The following PDSS1 variants were observed in gnomAD, a reference collection of about 807,000 sequenced individuals.
PDSS1 encodes all trans-polyprenyl-diphosphate synthase PDSS1.
PDSS1 carries 43 observed loss-of-function variants against 57.5 expected under a neutral mutation model. The ratio of observed to expected loss-of-function variants is 0.75; its 90% confidence interval spans 0.59 to 0.96. The LOEUF (loss-of-function observed/expected upper bound fraction) is 0.96. Ranked by LOEUF, PDSS1 falls within the 50% of genes least tolerant of loss-of-function variation. The pLI is 0.00. For missense variants in PDSS1, 438 were observed against 527.8 expected (o/e 0.83, Z 1.67); for synonymous variants, 175 against 191.3 (o/e 0.91, Z 0.70).
chr10:26,746,202 A>T, intron 11 of PDSS1, 131 bp from the exon 12 acceptor site: 1 of 942,600 alleles, frequency 1.1e-6, no homozygotes, highest in Non-Finnish European at 1.7e-6. Flanking sequence ...TTAGAGATGT[A>T]GTTTGACTGT....
intron 8 of PDSS1, chr10:26,734,593 T>A: frequency 2.3e-6 from 1 of 441,504 alleles, no homozygotes; most frequent in Non-Finnish European, 4.5e-6. Flanking sequence ...TTACTTCTTT[T>A]GAGAGAAATG....
In PDSS1 at chr10:26,728,347, G is replaced by A. The variant is rs755953722; in HGVS notation, c.831+4224G>A. Among the ~76,000 whole-genome samples the A allele has an allele frequency of 2.6e-5, 4 of 151,996 alleles. No individual in the cohort carries two copies. The East Asian group carries it at 5.8e-4, about 22-fold the overall frequency. Reference sequence around the variant, plus strand: ...TCTACTAAAAATACAAAAATTAGCCGGGCGTAGTGGCAGGCGCCTATAATC... The same window carrying A: ...TCTACTAAAAATACAAAAATTAGCCAGGCGTAGTGGCAGGCGCCTATAATC... On this transcript the variant is annotated intron_variant, in intron 8 of 11. Transcript: ENST00000376215.
intron 4 of PDSS1, among the ~76,000 whole-genome samples, 179 bp downstream of exon 4, chr10:26,705,573 A>T (rs1835185355): frequency 6.6e-6 from 1 of 152,120 alleles, no homozygotes; most frequent in Admixed American, 6.5e-5. Flanking sequence ...TCCCAGGTTC[A>T]TGCAATTCTC....
chr10:26,704,803 A>T lies in PDSS1; in HGVS notation c.227+62A>T, dbSNP rs1835157023. 5.4e-6 allele frequency: 5 copies of T among 919,324 alleles called. No homozygotes were observed. The South Asian group carries it at 6.7e-5, about 12-fold the overall frequency. 56.9% of individuals were successfully genotyped at this position (919,324 alleles called of 1,614,324 possible). A position where few individuals can be genotyped will look rare whatever the true frequency, so the allele number is the denominator to read the frequency against. On this transcript the variant is annotated intron_variant, in intron 3 of 11. Transcript: ENST00000376215. ...TCCATTTTTAAATTTATTGTTGTTT[A>T]AAAAATTTTTTTTGTAGCGATGGGG...
intron 4 of PDSS1, 41 bp from the exon 5 acceptor site, chr10:26,709,597 G>A (rs779109883): frequency 1.6e-5 from 26 of 1,606,496 alleles, no homozygotes; most frequent in Non-Finnish European, 2.0e-5. Context: ...TTTCTGTGCA[G>A]TTTTTTGATG....
intron 1 of PDSS1, 40 bp downstream of exon 1, chr10:26,697,880 C>G: frequency 7.1e-6 from 9 of 1,261,040 alleles, no homozygotes; most frequent in Non-Finnish European, 9.0e-6. Context: ...GCTCAGAGGT[C>G]ACGGCTCCAA....
intron 4 of PDSS1, among the ~76,000 whole-genome samples, chr10:26,707,858 G>A (rs919897986): frequency 6.6e-6 from 1 of 152,218 alleles, no homozygotes; most frequent in Non-Finnish European, 1.5e-5. Flanking sequence ...CGAGTTGTTT[G>A]TTCTGCTGTT....
At chr10:26,742,729 A>G (rs1288823448) in intron 11 of PDSS1, 152 bp downstream of exon 11, 2 of 660,984 alleles carry the variant, frequency 3.0e-6, no homozygotes, top group Non-Finnish European at 5.4e-6. Flanking sequence ...GGGAAAACTC[A>G]TTTTTCTGAT....
Position 26,702,057 on chromosome 10 carries a change from C to A in PDSS1, c.130-105C>A, listed in dbSNP as rs1193180881. The A allele has an allele frequency of 1.9e-4, 81 of 433,400 alleles. No individual in the cohort carries two copies. The Admixed American group carries it at 2.0e-3, about 11-fold the overall frequency. 26.8% of individuals were successfully genotyped at this position (433,400 alleles called of 1,614,324 possible). On this transcript the variant is annotated intron_variant, in intron 1 of 11. Coordinates refer to ENST00000376215, the MANE Select transcript of PDSS1 (RefSeq NM_014317.5). ...TTGGACTTGCATGAGGCCTGTAAGC[C>A]CCTTCGTTTTGGCCAATTTCTACCA...
intron 4 of PDSS1, among the ~76,000 whole-genome samples, chr10:26,705,967 T>A (rs1349345558): frequency 6.6e-6 from 1 of 152,236 alleles, no homozygotes; most frequent in Non-Finnish European, 1.5e-5. Flanking sequence ...TCCAATGAGT[T>A]ATCCCACCTT....
At chr10:26,709,452 T>G (rs1280920388) in intron 4 of PDSS1, among the ~76,000 whole-genome samples, 186 bp from the exon 5 acceptor site, 1 of 151,994 alleles carries the variant, frequency 6.6e-6, no homozygotes, top group East Asian at 1.9e-4. Context: ...TCCCAGCTGC[T>G]TGCGGGGCTG....
Position 26,723,688 on chromosome 10 carries a change from C to T in PDSS1, c.610-118C>T, listed in dbSNP as rs372617316. ...GTTGAGGAAGAAGAAGGTAAAAAAC[C>T]CTGCATCCAAGATGAGCCCCCACTT... On this transcript the variant is annotated intron_variant, in intron 6 of 11. Coordinates refer to ENST00000376215, the MANE Select transcript of PDSS1 (RefSeq NM_014317.5). 1.0e-5 allele frequency: 8 copies of T among 775,320 alleles called. No individual in the cohort carries two copies. In the East Asian group the frequency reaches 1.5e-4, roughly 14 times the overall value. 48.0% of individuals were successfully genotyped at this position (775,320 alleles called of 1,614,324 possible). A position where few individuals can be genotyped will look rare whatever the true frequency, so the allele number is the denominator to read the frequency against.
At chr10:26,726,081 C>A (rs1835939772) in intron 8 of PDSS1, among the ~76,000 whole-genome samples, 1 of 152,182 alleles carries the variant, frequency 6.6e-6, no homozygotes, top group Non-Finnish European at 1.5e-5. Flanking sequence ...GTGATGGAAG[C>A]TTACAAAGGG....
intron 5 of PDSS1, among the ~76,000 whole-genome samples, chr10:26,717,023 T>C (rs1025283840): frequency 4.6e-5 from 7 of 152,222 alleles, no homozygotes; most frequent in Non-Finnish European, 8.8e-5. Context: ...CCTCATGTTA[T>C]GGATAAGCAG....
chr10:26,701,870 G>A, intron 1 of PDSS1: 1 of 454,718 alleles, frequency 2.2e-6, no homozygotes, highest in South Asian at 1.6e-5. Context: ...GGCACTCAAT[G>A]CCAGCCCATG....
chr10:26,731,797 T>A (rs988384125), intron 8 of PDSS1, among the ~76,000 whole-genome samples: 2 of 152,254 alleles, frequency 1.3e-5, no homozygotes, highest in Admixed American at 1.3e-4. Flanking sequence ...GGGCCATTTA[T>A]TTATTTGTTT....
chr10:26,698,772 T>C (rs926676017), intron 1 of PDSS1, among the ~76,000 whole-genome samples: 1 of 152,232 alleles, frequency 6.6e-6, no homozygotes, highest in Non-Finnish European at 1.5e-5. Context: ...GTATGAAATA[T>C]ATAACACTTA....
intron 11 of PDSS1, among the ~76,000 whole-genome samples, chr10:26,742,998 C>A (rs1836684348): frequency 6.6e-6 from 1 of 152,174 alleles, no homozygotes; most frequent in Non-Finnish European, 1.5e-5. Flanking sequence ...TGGACTGCTG[C>A]AATAGTCTAC....
chr10:26,698,589 C>T (rs2132199021), intron 1 of PDSS1, among the ~76,000 whole-genome samples: 1 of 152,296 alleles, frequency 6.6e-6, no homozygotes, highest in South Asian at 2.1e-4. Flanking sequence ...ACTGTGAGCC[C>T]TTCTGCGCTT....
Sources: gnomAD v4.1 joint callset for allele counts (sites outside exome capture counted in the v4.1 genomes callset) on GRCh38, gnomAD v4.1.1 for gene constraint, MANE v1.5 for transcripts, NCBI Gene and HGNC (gene_info 2026-07-23, HGNC 2026-07-21) for gene names.